Variants in SPECC1L observed in about 807,000 individuals in gnomAD.
SPECC1L encodes cytospin-A.
In SPECC1L, 40 loss-of-function variants were observed where a neutral mutation model predicts 116.8. The observed-to-expected ratio is 0.34, with a 90% CI of 0.27 to 0.45. The LOEUF is 0.45. Ranked by LOEUF, SPECC1L falls within the 20% of genes least tolerant of loss-of-function variation. SPECC1L has a pLI of 1.00. For missense variants in SPECC1L, 1,110 were observed against 1,373.6 expected, an observed-to-expected ratio of 0.81 and a Z score of 3.03; for synonymous variants, 504 against 500.6, an observed-to-expected ratio of 1.01 and a Z score of -0.09.
chr22:24,348,061 G>T (rs2041338560), intron 11 of SPECC1L, among the ~76,000 whole-genome samples: 1 of 152,180 alleles, frequency 6.6e-6, no homozygotes, highest in Admixed American at 6.6e-5. Flanking sequence ...CTTACCCCAC[G>T]CTGCCTCTTC....
At chr22:24,274,651 T>C (rs1242944245) in intron 1 of SPECC1L, among the ~76,000 whole-genome samples, 2 of 152,270 alleles carry the variant, frequency 1.3e-5, no homozygotes, top group South Asian at 2.1e-4. Flanking sequence ...AACATCTTCA[T>C]TGTGGTTCTG....
chr22:24,305,181 A>G (rs920535358), intron 3 of SPECC1L, among the ~76,000 whole-genome samples: 4 of 152,240 alleles, frequency 2.6e-5, no homozygotes, highest in Non-Finnish European at 5.9e-5. Flanking sequence ...TTTTTGTTGA[A>G]GTAAAGCATA....
At chr22:24,408,795 C>T (rs1199730759) in intron 14 of SPECC1L, among the ~76,000 whole-genome samples, 1 of 152,252 alleles carries the variant, frequency 6.6e-6, no homozygotes, top group Non-Finnish European at 1.5e-5. Context: ...CTGGAACGTT[C>T]TGGGCACGTG....
chr22:24,284,372 C>A lies in SPECC1L; in HGVS notation c.-38+7569C>A, dbSNP rs535143603. 1.9e-4 allele frequency among the ~76,000 whole-genome samples: 29 copies of A among 152,214 alleles called. No individual in the cohort carries two copies. The South Asian group carries it at 6.0e-3, about 32-fold the overall frequency. ...GAAGTATGTGAGTTCCCAAGTATTT[C>A]AGAATTTTCCAGAGATATTCCATTA... On this transcript the variant is annotated intron_variant, in intron 2 of 16. Transcript: ENST00000314328.
At chr22:24,331,522 C>A (rs531391256) in intron 8 of SPECC1L, among the ~76,000 whole-genome samples, 1 of 152,150 alleles carries the variant, frequency 6.6e-6, no homozygotes, top group Non-Finnish European at 1.5e-5. Context: ...GTTAAAGTTT[C>A]ATTCCTTTGG....
At chr22:24,368,110 A>G (rs2041807130) in intron 13 of SPECC1L, among the ~76,000 whole-genome samples, 1 of 152,234 alleles carries the variant, frequency 6.6e-6, no homozygotes, top group Non-Finnish European at 1.5e-5. Flanking sequence ...GGCCTAAGGC[A>G]GGATATTTAT....
rs2042700174 is a variant in SPECC1L, at chr22:24,411,639, T to C, written c.3139T>C (p.Cys1047Arg). The stretch of plus-strand genomic sequence containing the variant: ...CAGCTGGAATGATGGGCTGGCCTTC[T>C]GTGCCCTCCTGCATACATATCTCCC... ...SSSWNDGLAF[C>R]ALLHTYLPAH... Residue 1047 changes from cysteine (C) to arginine (R), a missense_variant, in exon 15 of 17, where the codon TGT (cysteine) becomes CGT (arginine). Transcript: ENST00000314328. 1 of 1,614,074 alleles carries C rather than the reference T, an allele frequency of 6.2e-7. No homozygotes were observed. Among genetic ancestry groups the C allele is most frequent in the Non-Finnish European group, 8.5e-7 (1 of 1,180,058 alleles).
At chr22:24,390,861 T>TTTTTTTCTTTTC (rs1472340943) in intron 14 of SPECC1L, among the ~76,000 whole-genome samples, 1 of 110,232 alleles carries the variant, frequency 9.1e-6, no homozygotes, top group East Asian at 2.7e-4. Flanking sequence ...CCTTTTTTTT[T>TTTTTTTCTTTTC]TTTTTCTTTT....
rs967468129 is a variant in SPECC1L at position 24,270,870 on chromosome 22, C to G, written c.-255C>G. ...CCGGGCGGCCCGGCAAGCGGCGCTG[C>G]GGGGTAGGCTGCTTTCCTGAGGCCG... is the stretch of plus-strand genomic sequence containing the variant. On this transcript the variant is annotated 5_prime_UTR_variant, in exon 1 of 17. Transcript: ENST00000314328. 1 of 152,352 alleles carries G rather than the reference C, an allele frequency of 6.6e-6. No homozygotes were observed. The highest frequency in any genetic ancestry group is 1.5e-5 in the Non-Finnish European group (1 of 68,204). 9.4% of individuals were successfully genotyped at this position (152,352 alleles called of 1,614,324 possible).
intron 14 of SPECC1L, among the ~76,000 whole-genome samples, chr22:24,390,362 A>G (rs2042240659): frequency 6.6e-6 from 1 of 152,162 alleles, no homozygotes. Context: ...GGAATTCCTC[A>G]TAGTCCAAGC....
chr22:24,358,527 T>C (rs770380421), intron 11 of SPECC1L, among the ~76,000 whole-genome samples: 19 of 152,216 alleles, frequency 1.2e-4, no homozygotes, highest in Non-Finnish European at 2.6e-4. Context: ...TGTTCAATTA[T>C]TTTGTCCATA....
chr22:24,326,706 T>G (rs931358271), intron 6 of SPECC1L, among the ~76,000 whole-genome samples: 1 of 152,204 alleles, frequency 6.6e-6, no homozygotes, highest in Non-Finnish European at 1.5e-5. Context: ...GGTACAAAGT[T>G]GGTACATATG....
intron 14 of SPECC1L, among the ~76,000 whole-genome samples, chr22:24,371,376 G>A (rs1042712551): frequency 6.6e-6 from 1 of 152,146 alleles, no homozygotes; most frequent in South Asian, 2.1e-4. Flanking sequence ...ATTTTGTGAG[G>A]CCAAGATGAG....
intron 14 of SPECC1L, among the ~76,000 whole-genome samples, chr22:24,404,904 G>A (rs911719114): frequency 2.6e-5 from 4 of 152,182 alleles, no homozygotes; most frequent in Non-Finnish European, 5.9e-5. Flanking sequence ...CCATGGCCAC[G>A]TCCACCTGTG....
rs114918526 is a variant in SPECC1L, at chr22:24,361,811, C to A, written c.2744-1450C>A. Reference sequence around the variant, plus strand: ...ATCCTGTTCCCCCCTCTCCTGCCCCCTCCAAAAAAACAAAAAACGAGAGAG... The same window carrying A: ...ATCCTGTTCCCCCCTCTCCTGCCCCATCCAAAAAAACAAAAAACGAGAGAG... On this transcript the variant is annotated intron_variant, in intron 11 of 16. Transcript: ENST00000314328. Among the ~76,000 whole-genome samples the A allele has an allele frequency of 7.4e-3, 1,118 of 150,162 alleles. 12 individuals are homozygous for A. The highest frequency in any genetic ancestry group is 0.026 in the African/African-American group (1,046 of 40,736).
At position 24,360,796 on chromosome 22, in the gene SPECC1L, T is replaced by C. The variant is rs140465943; in HGVS notation, c.2744-2465T>C. 2.6e-3 allele frequency among the ~76,000 whole-genome samples: 402 copies of C among 152,348 alleles called. 2 individuals are homozygous for C. Among genetic ancestry groups the C allele is most frequent in the African/African-American group, 9.0e-3 (374 of 41,590 alleles). On this transcript the variant is annotated intron_variant, in intron 11 of 16. Coordinates refer to ENST00000314328, the MANE Select transcript of SPECC1L (RefSeq NM_015330.6). Reference sequence around the variant, plus strand: ...GTGTCAAAATTATAGAATGGAAAATTTGATTAAATGTAAAACATTGATCTT... The same window carrying C: ...GTGTCAAAATTATAGAATGGAAAATCTGATTAAATGTAAAACATTGATCTT...
chr22:24,327,559 G>A (rs1286310113), intron 6 of SPECC1L, among the ~76,000 whole-genome samples: 1 of 151,894 alleles, frequency 6.6e-6, no homozygotes, highest in African/African-American at 2.4e-5. Flanking sequence ...ATAAGGAATG[G>A]GAGAGAATGT....
At chr22:24,406,705 G>A (rs371589145) in intron 14 of SPECC1L, among the ~76,000 whole-genome samples, 2 of 152,256 alleles carry the variant, frequency 1.3e-5, no homozygotes, top group African/African-American at 2.4e-5. Flanking sequence ...ATTTTGTGTC[G>A]TTTCATGTGT....
chr22:24,311,833 A>G (rs2146437289), intron 3 of SPECC1L, among the ~76,000 whole-genome samples: 1 of 150,480 alleles, frequency 6.6e-6, no homozygotes, highest in Admixed American at 6.6e-5. Context: ...AAAAAAGAAT[A>G]TGAACAGTCC....
Sources: allele counts gnomAD v4.1 joint callset (sites outside exome capture counted in the v4.1 genomes callset), GRCh38; gene constraint gnomAD v4.1.1; transcripts MANE v1.5; gene names NCBI Gene and HGNC (gene_info 2026-07-23, HGNC 2026-07-21).